PLEKHA5: variants seen among roughly 807,000 people sequenced by gnomAD.
PLEKHA5 encodes the protein pleckstrin homology domain containing A5, also known as pleckstrin homology domain-containing family A member 5.
In PLEKHA5, 55 loss-of-function variants were observed where a neutral mutation model predicts 181.9. The observed-to-expected ratio is 0.30, with a 90% confidence interval of 0.24 to 0.38. The LOEUF is 0.38. Ranked by LOEUF, PLEKHA5 falls within the 10% of genes least tolerant of loss-of-function variation. The probability of loss-of-function intolerance (pLI) is 1.00; values close to 1 mark genes in which losing one functional copy is unlikely to be tolerated. For synonymous variants in PLEKHA5, 535 were observed against 529.4 expected (o/e 1.01, Z -0.15); for missense variants, 1,432 against 1,549.5 (o/e 0.92, Z 1.27).
At chr12:19,356,662 CTTTTTTTT>C (rs57809332) in intron 26 of PLEKHA5, among the ~76,000 whole-genome samples, 1 of 99,820 alleles carries the variant, frequency 1.0e-5, no homozygotes, top group Admixed American at 1.4e-4. Context: ...AGTTGTTTTT[CTTTTTTTT>C]TTTTTTTTTT....
chr12:19,306,315 G>T (rs369689401), intron 15 of PLEKHA5: 12 of 389,802 alleles, frequency 3.1e-5, no homozygotes, highest in African/African-American at 2.3e-4. Flanking sequence ...AAAATTGTGG[G>T]GTTGGAGGCG....
intron 25 of PLEKHA5, among the ~76,000 whole-genome samples, chr12:19,352,325 C>G (rs1376359703): frequency 6.6e-6 from 1 of 150,782 alleles, no homozygotes; most frequent in African/African-American, 2.4e-5. Context: ...GCAGAGGTTG[C>G]AGTGAGCCGA....
chr12:19,283,182 T>A, intron 11 of PLEKHA5, 98 bp from the exon 12 acceptor site: 1 of 600,834 alleles, frequency 1.7e-6, no homozygotes, highest in Non-Finnish European at 2.7e-6. Flanking sequence ...AATTCTAATG[T>A]ATATTTTACT....
rs575855170 is a variant in PLEKHA5, at chr12:19,235,812, G to A, written c.228-18128G>A. On this transcript the variant is annotated intron_variant, in intron 3 of 31. Transcript: ENST00000429027. ...CACACACAATTAAAACAGTGCAATGGCTTTCTTGCAAAGAAGAAAAATAAT... is the reference window on the plus strand; with the variant it reads ...CACACACAATTAAAACAGTGCAATGACTTTCTTGCAAAGAAGAAAAATAAT... Among the ~76,000 whole-genome samples the A allele has an allele frequency of 3.3e-5, 5 of 152,232 alleles. No homozygotes were observed. The East Asian group carries it at 9.7e-4, about 29-fold the overall frequency.
At chr12:19,150,779 G>C (rs559025381) in intron 3 of PLEKHA5, 1 of 152,354 alleles carries the variant, frequency 6.6e-6, no homozygotes, top group African/African-American at 2.4e-5. Flanking sequence ...AGGAGCTCAA[G>C]GAGAATGAAA....
chr12:19,157,076 G>A (rs2041922439), intron 3 of PLEKHA5, among the ~76,000 whole-genome samples: 1 of 107,204 alleles, frequency 9.3e-6, no homozygotes, highest in Admixed American at 1.1e-4. Context: ...CATATATATG[G>A]TTTTTATATC....
intron 30 of PLEKHA5, among the ~76,000 whole-genome samples, chr12:19,367,665 C>T (rs1270081381): frequency 2.0e-5 from 3 of 151,866 alleles, no homozygotes; most frequent in Admixed American, 1.3e-4. Flanking sequence ...CTGCAAGCTC[C>T]GCCTCCTGGG....
At chr12:19,212,067 T>G (rs1179511359) in intron 3 of PLEKHA5, among the ~76,000 whole-genome samples, 3 of 152,186 alleles carry the variant, frequency 2.0e-5, no homozygotes, top group Non-Finnish European at 2.9e-5. Flanking sequence ...CCAATGAACT[T>G]CTATAAATTT....
intron 3 of PLEKHA5, among the ~76,000 whole-genome samples, chr12:19,139,412 A>G (rs2036643439): frequency 6.6e-6 from 1 of 152,158 alleles, no homozygotes; most frequent in Admixed American, 6.5e-5. Flanking sequence ...TCAAAAAGCA[A>G]ACACAACCCA....
intron 12 of PLEKHA5, among the ~76,000 whole-genome samples, chr12:19,285,506 T>C (rs2077026095): frequency 1.3e-5 from 2 of 152,220 alleles, no homozygotes; most frequent in African/African-American, 2.4e-5. Flanking sequence ...TGGACCCCTG[T>C]GGGGGTTCCC....
chr12:19,208,837 T>C (rs751888856), intron 3 of PLEKHA5, among the ~76,000 whole-genome samples: 2 of 152,164 alleles, frequency 1.3e-5, no homozygotes, highest in Non-Finnish European at 2.9e-5. Flanking sequence ...TTGACATCAA[T>C]ATGATTGTCC....
At chr12:19,134,186 T>A (rs1002428775) in intron 3 of PLEKHA5, among the ~76,000 whole-genome samples, 1 of 152,084 alleles carries the variant, frequency 6.6e-6, no homozygotes, top group Non-Finnish European at 1.5e-5. Flanking sequence ...TGAGTGAGTT[T>A]CTTTTGTTTT....
chr12:19,158,875 A>G (rs951767885), intron 3 of PLEKHA5, among the ~76,000 whole-genome samples: 4 of 152,168 alleles, frequency 2.6e-5, no homozygotes, highest in African/African-American at 9.7e-5. Flanking sequence ...TTGTATATGT[A>G]TACTTTAAGT....
chr12:19,364,960 A>G (rs2095378812), intron 29 of PLEKHA5, among the ~76,000 whole-genome samples: 2 of 152,158 alleles, frequency 1.3e-5, no homozygotes, highest in South Asian at 4.1e-4. Flanking sequence ...GCGCTCAGCC[A>G]CACTGATCAT....
intron 18 of PLEKHA5, chr12:19,321,749 TA>T (rs2090916327): frequency 6.6e-6 from 1 of 152,124 alleles, no homozygotes; most frequent in South Asian, 2.1e-4. Context: ...GTAGTTATTT[TA>T]ATAGATAAAT....
chr12:19,175,681 C>T (rs529103774), intron 3 of PLEKHA5, among the ~76,000 whole-genome samples: 11 of 152,264 alleles, frequency 7.2e-5, no homozygotes, highest in African/African-American at 2.4e-4. Context: ...GCACTATACA[C>T]ATGTGTTAGC....
At chr12:19,229,317 G>A (rs528530254) in intron 3 of PLEKHA5, among the ~76,000 whole-genome samples, 3 of 152,282 alleles carry the variant, frequency 2.0e-5, no homozygotes, top group South Asian at 2.1e-4. Flanking sequence ...GAATGAAGCC[G>A]CGGACCCTTG....
intron 16 of PLEKHA5, 69 bp downstream of exon 16, chr12:19,314,963 A>G: frequency 1.2e-6 from 1 of 819,360 alleles, no homozygotes. Flanking sequence ...GTTTTGATTT[A>G]TTCTCAGATT....
Position 19,260,935 on chromosome 12 carries a change from C to T in PLEKHA5, c.538-14C>T. 1 of 1,480,366 alleles carries T rather than the reference C, an allele frequency of 6.8e-7. No homozygotes were observed. Among genetic ancestry groups the T allele is most frequent in the Non-Finnish European group, 9.3e-7 (1 of 1,080,774 alleles). The allele number at this position is 1,480,366 out of a possible 1,614,324, so 91.7% of individuals were successfully genotyped here. ...GTTTGAGAAATAATCCTTAAATATG[C>T]TGATTTAATCCAGGACAGTACTGGC... On this transcript the variant is annotated splice_polypyrimidine_tract_variant and intron_variant, in intron 6 of 31. Transcript: ENST00000429027.
Sources: allele counts gnomAD v4.1 joint callset (sites outside exome capture counted in the v4.1 genomes callset), GRCh38; gene constraint gnomAD v4.1.1; transcripts MANE v1.5; gene names NCBI Gene and HGNC (gene_info 2026-07-23, HGNC 2026-07-21).